The following ABLIM1 variants were observed in gnomAD, a reference collection of about 807,000 sequenced individuals.
The protein encoded by ABLIM1 is actin-binding LIM protein 1.
In ABLIM1, 40 loss-of-function variants were observed where a neutral mutation model predicts 107.0. That is an observed-to-expected ratio of 0.37 (90% CI 0.29 to 0.49). The LOEUF (loss-of-function observed/expected upper bound fraction) is 0.49, where lower values mean the gene tolerates loss of function less well. Among genes scored for constraint, ABLIM1 ranks in the 20% least tolerant of loss-of-function variants. The pLI is 0.97. For missense variants in ABLIM1, 857 were observed against 1,008.5 expected, an observed-to-expected ratio of 0.85 and a Z score of 2.04; for synonymous variants, 357 against 357.3, an observed-to-expected ratio of 1.00 and a Z score of 0.01.
intron 7 of ABLIM1, among the ~76,000 whole-genome samples, chr10:114,490,991 T>G: frequency 1.1e-5 from 1 of 93,412 alleles, no homozygotes; most frequent in African/African-American, 5.5e-5. Context: ...TGTGTGTGTG[T>G]GTGTGTGTGT....
chr10:114,483,903 C>A (rs1461221041), intron 8 of ABLIM1, among the ~76,000 whole-genome samples: 1 of 152,118 alleles, frequency 6.6e-6, no homozygotes, highest in Non-Finnish European at 1.5e-5. Flanking sequence ...TCTCAGAGAC[C>A]CCTAAAGACG....
At chr10:114,639,024 T>C (rs1009231716) in intron 1 of ABLIM1, among the ~76,000 whole-genome samples, 1 of 152,240 alleles carries the variant, frequency 6.6e-6, no homozygotes, top group African/African-American at 2.4e-5. Context: ...ACAATTTTTT[T>C]GCAAGGTTTA....
intron 2 of ABLIM1, among the ~76,000 whole-genome samples, chr10:114,599,388 A>T (rs1439537410): frequency 6.6e-6 from 1 of 152,248 alleles, no homozygotes; most frequent in Non-Finnish European, 1.5e-5. Flanking sequence ...CACAGGGGAT[A>T]AATGAATGTC....
intron 6 of ABLIM1, among the ~76,000 whole-genome samples, chr10:114,520,558 C>T (rs1427416153): frequency 6.6e-6 from 1 of 151,840 alleles, no homozygotes; most frequent in East Asian, 1.9e-4. Context: ...ATTAAAGTGC[C>T]ATGTGACTCA....
At chr10:114,528,201 C>T (rs2065062167) in intron 6 of ABLIM1, among the ~76,000 whole-genome samples, 1 of 151,588 alleles carries the variant, frequency 6.6e-6, no homozygotes. Flanking sequence ...AATTCCTCAC[C>T]TCAAGTGATC....
rs182180134 is a variant in ABLIM1, at chr10:114,476,266, T to C, written c.1042-2310A>G. Among the ~76,000 whole-genome samples the C allele has an allele frequency of 4.3e-3, 656 of 152,330 alleles. 5 individuals are homozygous for C. The highest frequency in any genetic ancestry group is 0.015 in the African/African-American group (625 of 41,576). ...CACAAGCGCTTTCCTGCTAGAGTTA[T>C]ACCAATCACAGGCATATCTCAATAT... On this transcript the variant is annotated intron_variant, in intron 8 of 22. Coordinates refer to ENST00000533213, the MANE Select transcript of ABLIM1 (RefSeq NM_002313.7).
chr10:114,718,032 A>AAGGAAGGAAGGAAGGAAGGAAGGAAG (rs753398691), intron 1 of ABLIM1, among the ~76,000 whole-genome samples: 1 of 92,936 alleles, frequency 1.1e-5, no homozygotes, highest in Non-Finnish European at 2.3e-5. Context: ...GGAAGGAAGG[A>AAGGAAGGAAGGAAGGAAGGAAGGAAG]GAAAGAGAAA....
intron 4 of ABLIM1, among the ~76,000 whole-genome samples, chr10:114,558,891 C>T (rs1339447714): frequency 1.8e-5 from 2 of 110,952 alleles, no homozygotes; most frequent in African/African-American, 9.6e-5. Context: ...CAGGTCCTGT[C>T]AGGGAGAACT....
chr10:114,675,943 T>A (rs923072553), intron 1 of ABLIM1, among the ~76,000 whole-genome samples: 2 of 152,176 alleles, frequency 1.3e-5, no homozygotes, highest in Non-Finnish European at 2.9e-5. Context: ...GCATCCAAAT[T>A]TCCCTTTTTT....
chr10:114,683,435 C>T (rs1267750980), intron 1 of ABLIM1, among the ~76,000 whole-genome samples: 1 of 152,196 alleles, frequency 6.6e-6, no homozygotes, highest in Non-Finnish European at 1.5e-5. Flanking sequence ...ACAGCGTGTG[C>T]CAACCTCAGA....
At chr10:114,745,273 T>C (rs1165973872) in intron 1 of ABLIM1, among the ~76,000 whole-genome samples, 1 of 152,198 alleles carries the variant, frequency 6.6e-6, no homozygotes, top group African/African-American at 2.4e-5. Context: ...CTTAAAAATA[T>C]TTCCTGGCCA....
At chr10:114,543,061 T>C (rs1482257114) in intron 6 of ABLIM1, among the ~76,000 whole-genome samples, 1 of 152,184 alleles carries the variant, frequency 6.6e-6, no homozygotes, top group Non-Finnish European at 1.5e-5. Flanking sequence ...CCACTCCAGC[T>C]AGCACCACCA....
At chr10:114,457,541 G>A (rs1175838635) in intron 12 of ABLIM1, among the ~76,000 whole-genome samples, 1 of 152,130 alleles carries the variant, frequency 6.6e-6, no homozygotes, top group Admixed American at 6.5e-5. Flanking sequence ...AAAATGCTGG[G>A]ATTACAGGCG....
Position 114,441,707 on chromosome 10 carries a change from G to A in ABLIM1, c.1998+15C>T, listed in dbSNP as rs751776171. On this transcript the variant is annotated intron_variant, in intron 18 of 22. Coordinates refer to ENST00000533213, the MANE Select transcript of ABLIM1 (RefSeq NM_002313.7). ...GGAGTAAAGGCAGAAACAATGAATC[G>A]GGGAGAAATCTTACCCGGTGAAGCC... is the stretch of plus-strand genomic sequence containing the variant. 22 of 1,608,938 alleles carry A rather than the reference G, an allele frequency of 1.4e-5. No individual in the cohort carries two copies. The highest frequency in any genetic ancestry group is 1.0e-4 in the Admixed American group (6 of 59,984).
chr10:114,761,219 A>G (rs1230021043), intron 1 of ABLIM1, among the ~76,000 whole-genome samples: 5 of 152,066 alleles, frequency 3.3e-5, no homozygotes, highest in Non-Finnish European at 7.4e-5. Context: ...ATCAACTAGC[A>G]GATACATTTT....
the ABLIM1 span, among the ~76,000 whole-genome samples, chr10:114,777,023 A>C: frequency 2.6e-5 from 4 of 152,132 alleles, no homozygotes; most frequent in Non-Finnish European, 5.9e-5. Context: ...AATCTTTTAA[A>C]TATTTTTTCT....
At position 114,760,443 on chromosome 10, in the gene ABLIM1, CA is replaced by C. The variant is rs1566312757; in HGVS notation, c.-213+7617del. Among the ~76,000 whole-genome samples, 90 of 131,434 alleles carry C rather than the reference CA, an allele frequency of 6.8e-4. 3 individuals carry two copies. The South Asian group carries it at 0.02, about 29-fold the overall frequency. The allele number at this position is 131,434 out of a possible 152,430, so 86.2% of individuals were successfully genotyped here. Reference sequence around the variant, plus strand: ...ACACACACACACACACACACACACACACACACACACTGACTTAGTGCTTATA... The same window carrying C: ...ACACACACACACACACACACACACACCACACACACTGACTTAGTGCTTATA... On this transcript the variant is annotated intron_variant, in intron 1 of 15. Coordinates refer to the ABLIM1 transcript ENST00000651092.
the ABLIM1 span, among the ~76,000 whole-genome samples, chr10:114,787,612 C>T: frequency 7.3e-3 from 1,065 of 145,512 alleles, 8 homozygotes; most frequent in African/African-American, 0.019. Context: ...CCAGCCGCCC[C>T]GTCCGGGAGG....
intron 4 of ABLIM1, among the ~76,000 whole-genome samples, chr10:114,553,604 G>T (rs1311761439): frequency 1.3e-5 from 2 of 152,200 alleles, no homozygotes; most frequent in Admixed American, 6.5e-5. Context: ...TGCTGCAAGG[G>T]TTACAGGATC....
Sources: allele counts gnomAD v4.1 joint callset (sites outside exome capture counted in the v4.1 genomes callset), GRCh38; gene constraint gnomAD v4.1.1; transcripts MANE v1.5; gene names NCBI Gene and HGNC (gene_info 2026-07-23, HGNC 2026-07-21).